The following CACNA2D3 variants were observed in gnomAD, a reference collection of about 807,000 sequenced individuals.
CACNA2D3 encodes voltage-dependent calcium channel subunit alpha-2/delta-3.
In CACNA2D3, 60 loss-of-function variants were observed where a neutral mutation model predicts 160.6. The observed-to-expected ratio is 0.37, with a 90% CI of 0.30 to 0.46. The LOEUF (loss-of-function observed/expected upper bound fraction) is 0.46. Ranked by LOEUF, CACNA2D3 falls within the 20% of genes least tolerant of loss-of-function variation. The pLI is 1.00. For missense variants in CACNA2D3, 1,205 were observed against 1,365.0 expected (o/e 0.88, Z 1.85); for synonymous variants, 558 against 492.9 (o/e 1.13, Z -1.75).
chr3:54,832,893 A>G (rs1703910360), intron 14 of CACNA2D3, among the ~76,000 whole-genome samples: 1 of 152,184 alleles, frequency 6.6e-6, no homozygotes, highest in Admixed American at 6.5e-5. Flanking sequence ...CTAGGCCAGC[A>G]GCAAAATGGA....
At chr3:54,244,714 A>T (rs1010575673) in intron 2 of CACNA2D3, among the ~76,000 whole-genome samples, 2 of 152,260 alleles carry the variant, frequency 1.3e-5, no homozygotes, top group African/African-American at 4.8e-5. Flanking sequence ...GTGTTTACCA[A>T]ACATTTTAAT....
chr3:54,617,590 A>C (rs1039891734), intron 9 of CACNA2D3, among the ~76,000 whole-genome samples: 6 of 152,238 alleles, frequency 3.9e-5, no homozygotes, highest in African/African-American at 1.4e-4. Context: ...TTGCAAAACA[A>C]ACAAACAGGG....
intron 4 of CACNA2D3, among the ~76,000 whole-genome samples, chr3:54,465,821 G>GGGCTT (rs1700613539): frequency 6.6e-6 from 1 of 152,180 alleles, no homozygotes; most frequent in South Asian, 2.1e-4. Context: ...AAGTCTGGGT[G>GGGCTT]GGCTTGGCTG....
At chr3:54,628,705 C>G (rs193051052) in intron 10 of CACNA2D3, among the ~76,000 whole-genome samples, 1 of 152,080 alleles carries the variant, frequency 6.6e-6, no homozygotes, top group Non-Finnish European at 1.5e-5. Flanking sequence ...GAGTTTAATT[C>G]GGGCAATTGA....
rs1355215336 is a variant in CACNA2D3, at chr3:54,763,791, A to ATATATACGTATATATACG, written c.1247-421_1247-420insCGTATATATACGTATATA. 1.2e-4 allele frequency among the ~76,000 whole-genome samples: 5 copies of ATATATACGTATATATACG among 42,126 alleles called. 1 individual carries two copies. Among genetic ancestry groups the ATATATACGTATATATACG allele is most frequent in the Admixed American group, 3.5e-4 (1 of 2,876 alleles). 27.6% of individuals were successfully genotyped at this position (42,126 alleles called of 152,430 possible). A position where few individuals can be genotyped will look rare whatever the true frequency, so the allele number is the denominator to read the frequency against. ...TATGTATATATGTACATATATATGT[A>ATATATACGTATATATACG]TATATATGTACATATATATACATAT... On this transcript the variant is annotated intron_variant, in intron 12 of 37. Coordinates refer to ENST00000474759, the MANE Select transcript of CACNA2D3 (RefSeq NM_018398.3).
chr3:54,315,049 C>A (rs1025402363), intron 2 of CACNA2D3, among the ~76,000 whole-genome samples: 1 of 152,154 alleles, frequency 6.6e-6, no homozygotes, highest in Admixed American at 6.5e-5. Flanking sequence ...ATAAAAAGGC[C>A]CATTGCCTGC....
intron 4 of CACNA2D3, among the ~76,000 whole-genome samples, chr3:54,400,134 G>T (rs1180466855): frequency 6.9e-6 from 1 of 144,268 alleles, no homozygotes; most frequent in Admixed American, 7.0e-5. Context: ...TCCCAGGTGA[G>T]GCAATGCCTC....
intron 11 of CACNA2D3, among the ~76,000 whole-genome samples, chr3:54,645,665 C>T (rs1699619505): frequency 6.6e-6 from 1 of 152,146 alleles, no homozygotes; most frequent in African/African-American, 2.4e-5. Context: ...GGATTTGTTC[C>T]CTTCTCTTAG....
chr3:54,293,946 A>C (rs1288055286), intron 2 of CACNA2D3, among the ~76,000 whole-genome samples: 1 of 152,208 alleles, frequency 6.6e-6, no homozygotes, highest in African/African-American at 2.4e-5. Flanking sequence ...TGAAACATTT[A>C]AATGCATGCT....
chr3:54,993,073 A>G (rs180760874), intron 31 of CACNA2D3, among the ~76,000 whole-genome samples: 66 of 152,310 alleles, frequency 4.3e-4, no homozygotes, highest in African/African-American at 1.4e-3. Flanking sequence ...CCATGATGCA[A>G]TCACTTCCAT....
At chr3:54,472,024 G>A (rs1270092613) in intron 4 of CACNA2D3, among the ~76,000 whole-genome samples, 2 of 152,098 alleles carry the variant, frequency 1.3e-5, no homozygotes, top group East Asian at 3.8e-4. Flanking sequence ...AGAAAAAAAG[G>A]GACTCCTCCC....
chr3:55,064,336 T>C (rs925382727), intron 35 of CACNA2D3, among the ~76,000 whole-genome samples: 3 of 152,214 alleles, frequency 2.0e-5, no homozygotes, highest in African/African-American at 7.2e-5. Context: ...CTGAACATGC[T>C]GTGGCACTGC....
intron 2 of CACNA2D3, among the ~76,000 whole-genome samples, chr3:54,271,788 C>T (rs1228705846): frequency 2.0e-5 from 3 of 152,182 alleles, no homozygotes; most frequent in South Asian, 4.2e-4. Context: ...GCCCTGCTGT[C>T]ACCTGTCAGT....
At chr3:54,287,994 C>G (rs1024753984) in intron 2 of CACNA2D3, among the ~76,000 whole-genome samples, 1 of 151,586 alleles carries the variant, frequency 6.6e-6, no homozygotes, top group East Asian at 1.9e-4. Flanking sequence ...AAAATTGACA[C>G]CCTAACATCA....
intron 9 of CACNA2D3, among the ~76,000 whole-genome samples, chr3:54,615,278 ACAT>A (rs949013204): frequency 6.6e-6 from 1 of 152,246 alleles, no homozygotes; most frequent in Non-Finnish European, 1.5e-5. Flanking sequence ...AAGTAAAAAA[ACAT>A]CACGAATGAA....
At chr3:54,282,460 A>G (rs193193528) in intron 2 of CACNA2D3, among the ~76,000 whole-genome samples, 231 of 152,324 alleles carry the variant, frequency 1.5e-3, no homozygotes, top group Middle Eastern at 0.014. Context: ...CCAGAGTACT[A>G]TGTGGATCAT....
At chr3:54,252,733 T>C (rs1193040230) in intron 2 of CACNA2D3, among the ~76,000 whole-genome samples, 1 of 152,226 alleles carries the variant, frequency 6.6e-6, no homozygotes, top group African/African-American at 2.4e-5. Flanking sequence ...AGCTTGTTTG[T>C]TGGGCATCTG....
intron 2 of CACNA2D3, among the ~76,000 whole-genome samples, chr3:54,161,693 A>G (rs1700347280): frequency 6.6e-6 from 1 of 152,236 alleles, no homozygotes; most frequent in African/African-American, 2.4e-5. Flanking sequence ...TAGCAGCTTC[A>G]CAAACCTGTT....
At chr3:55,011,641 T>C (rs1703213834) in intron 34 of CACNA2D3, among the ~76,000 whole-genome samples, 1 of 151,626 alleles carries the variant, frequency 6.6e-6, no homozygotes, top group Admixed American at 6.6e-5. Flanking sequence ...CAAAAACACA[T>C]AAAATGGTGG....
Sources: gnomAD v4.1 joint callset for allele counts (sites outside exome capture counted in the v4.1 genomes callset) on GRCh38, gnomAD v4.1.1 for gene constraint, MANE v1.5 for transcripts, NCBI Gene and HGNC (gene_info 2026-07-23, HGNC 2026-07-21) for gene names.